Variants in MSMB observed in about 807,000 individuals in gnomAD.
The protein encoded by MSMB is microseminoprotein beta, also known as beta-microseminoprotein.
In MSMB, 10 loss-of-function variants were observed where a neutral mutation model predicts 10.5. The observed-to-expected ratio is 0.95, with a 90% CI of 0.59 to 1.62. The LOEUF (loss-of-function observed/expected upper bound fraction) is 1.62. MSMB is among the 40% of genes most tolerant of loss of function. MSMB has a pLI of 0.00. For missense variants in MSMB, 126 were observed against 137.4 expected (o/e 0.92, Z 0.42); for synonymous variants, 43 against 46.5 (o/e 0.93, Z 0.30).
intron 1 of MSMB, among the ~76,000 whole-genome samples, chr10:46,040,739 G>A (rs1217747646): frequency 1.3e-5 from 2 of 152,176 alleles, no homozygotes; most frequent in Non-Finnish European, 2.9e-5. Flanking sequence ...TGGATCATGA[G>A]GTCAGGAGAT....
intron 1 of MSMB, among the ~76,000 whole-genome samples, chr10:46,042,488 AAGG>A (rs1840776114): frequency 6.6e-6 from 1 of 152,346 alleles, no homozygotes; most frequent in Admixed American, 6.5e-5. Flanking sequence ...AACAATCGTT[AAGG>A]AGAACAATTT....
intron 3 of MSMB, among the ~76,000 whole-genome samples, chr10:46,036,960 A>G (rs1177573571): frequency 1.3e-5 from 2 of 152,248 alleles, no homozygotes; most frequent in Non-Finnish European, 2.9e-5. Flanking sequence ...CTGGAGCCAC[A>G]AAATCAAGGT....
intron 3 of MSMB, among the ~76,000 whole-genome samples, chr10:46,034,681 C>T (rs1304217012): frequency 6.6e-6 from 1 of 151,522 alleles, no homozygotes; most frequent in Non-Finnish European, 1.5e-5. Flanking sequence ...AAAAATTAGC[C>T]GGGCGTGGTT....
intron 3 of MSMB, among the ~76,000 whole-genome samples, chr10:46,038,356 C>T (rs953209484): frequency 2.6e-5 from 4 of 151,748 alleles, no homozygotes; most frequent in Non-Finnish European, 4.4e-5. Flanking sequence ...GGTGCGATCT[C>T]GGCTCACTGC....
chr10:46,041,176 T>C (rs1840741610), intron 1 of MSMB, among the ~76,000 whole-genome samples: 1 of 152,048 alleles, frequency 6.6e-6, no homozygotes, highest in African/African-American at 2.4e-5. Context: ...AAACCCATTC[T>C]CTACTAAAAT....
At chr10:46,040,398 G>A (rs1840713862) in intron 1 of MSMB, among the ~76,000 whole-genome samples, 1 of 152,180 alleles carries the variant, frequency 6.6e-6, no homozygotes, top group South Asian at 2.1e-4. Context: ...GGACTGAGCT[G>A]CACTGGGCCC....
chr10:46,034,846 AATG>A (rs1253133184), intron 3 of MSMB, among the ~76,000 whole-genome samples: 1 of 151,528 alleles, frequency 6.6e-6, no homozygotes, highest in Non-Finnish European at 1.5e-5. Flanking sequence ...AAAGAAAATA[AATG>A]ATGATAGAAG....
chr10:46,034,291 T>C (rs1840543682), intron 3 of MSMB, among the ~76,000 whole-genome samples: 1 of 151,654 alleles, frequency 6.6e-6, no homozygotes, highest in South Asian at 2.1e-4. Context: ...TTTTATATTT[T>C]TAGTAGAGAT....
At chr10:46,038,037 T>A (rs1210981493) in intron 3 of MSMB, among the ~76,000 whole-genome samples, 1 of 152,174 alleles carries the variant, frequency 6.6e-6, no homozygotes, top group African/African-American at 2.4e-5. Flanking sequence ...AATTACTGTA[T>A]GATTCCACTT....
intron 1 of MSMB, among the ~76,000 whole-genome samples, chr10:46,042,305 AATG>A (rs1188055111): frequency 3.9e-5 from 6 of 152,144 alleles, no homozygotes; most frequent in Non-Finnish European, 7.4e-5. Context: ...CACACACAGA[AATG>A]ATGAATAAAC....
intron 1 of MSMB, among the ~76,000 whole-genome samples, chr10:46,042,983 T>C (rs1840786213): frequency 6.6e-6 from 1 of 152,230 alleles, no homozygotes; most frequent in Non-Finnish European, 1.5e-5. Context: ...AACGCCTTGA[T>C]ACATTCAGCT....
intron 3 of MSMB, among the ~76,000 whole-genome samples, chr10:46,034,803 C>A (rs1397972083): frequency 1.3e-5 from 2 of 148,342 alleles, no homozygotes; most frequent in African/African-American, 5.0e-5. Flanking sequence ...CCATCCTGGG[C>A]GACAGAGCAA....
intron 1 of MSMB, among the ~76,000 whole-genome samples, chr10:46,045,700 A>G (rs1554929361): frequency 1.3e-5 from 2 of 152,182 alleles, no homozygotes. Flanking sequence ...CAATTAAATC[A>G]GAGTGTCGGG....
In MSMB at chr10:46,044,575, GAAAAAAAA is replaced by G. The variant is rs56061175; in HGVS notation, c.3+1652_3+1659del. Reference sequence around the variant, plus strand: ...TGGGCGACAGAGAGACTCCGTCTCAGAAAAAAAAAAAAAAAAAAAAAAAAAAAAGTTGT... The same window carrying G: ...TGGGCGACAGAGAGACTCCGTCTCAGAAAAAAAAAAAAAAAAAAAAGTTGT... On this transcript the variant is annotated intron_variant, in intron 1 of 3. Transcript: ENST00000582163. Among the ~76,000 whole-genome samples the G allele has an allele frequency of 6.0e-3, 233 of 38,528 alleles. 6 individuals are homozygous for G. Among genetic ancestry groups the G allele is most frequent in the Middle Eastern group, 0.026 (1 of 38 alleles). The allele number at this position is 38,528 out of a possible 152,430, so 25.3% of individuals were successfully genotyped here.
At chr10:46,039,858 G>C (rs1554928169) in intron 2 of MSMB, 128 bp downstream of exon 2, 1 of 679,082 alleles carries the variant, frequency 1.5e-6, no homozygotes, top group Non-Finnish European at 2.5e-6. Flanking sequence ...CTCCAGCCTG[G>C]GAGACAGAGC....
chr10:46,044,199 T>C (rs1260125808), intron 1 of MSMB, among the ~76,000 whole-genome samples: 1 of 152,100 alleles, frequency 6.6e-6, no homozygotes, highest in Non-Finnish European at 1.5e-5. Flanking sequence ...TGCAGGAGAT[T>C]ACACCACGAC....
intron 1 of MSMB, among the ~76,000 whole-genome samples, chr10:46,041,322 G>A (rs1408026400): frequency 1.2e-5 from 1 of 80,534 alleles, no homozygotes; most frequent in Non-Finnish European, 2.2e-5. Context: ...TCTAGCCTGG[G>A]CAAGAGAGTG....
chr10:46,033,563 A>G lies in MSMB; in HGVS notation c.216-12T>C. On this transcript the variant is annotated splice_polypyrimidine_tract_variant and intron_variant, in intron 3 of 3. Transcript: ENST00000582163. ...CAGGTGTAGAAACACTGTCATTGAG[A>G]CAAAACTGGGGCCTGTTAGAAGAGA... The G allele has an allele frequency of 6.2e-7, 1 of 1,612,668 alleles. No homozygotes were observed. Among genetic ancestry groups the G allele is most frequent in the Non-Finnish European group, 8.5e-7 (1 of 1,178,898 alleles).
At chr10:46,041,871 G>GA (rs1275538001) in intron 1 of MSMB, among the ~76,000 whole-genome samples, 3,743 of 145,760 alleles carry the variant, frequency 0.026, 148 homozygotes, top group African/African-American at 0.088. Context: ...GGGTAAAAAA[G>GA]AAAAAAACAA....
Sources: gnomAD v4.1 joint callset for allele counts (sites outside exome capture counted in the v4.1 genomes callset) on GRCh38, gnomAD v4.1.1 for gene constraint, MANE v1.5 for transcripts, NCBI Gene and HGNC (gene_info 2026-07-23, HGNC 2026-07-21) for gene names.